NOL4: variants seen among roughly 807,000 people sequenced by gnomAD.
The protein encoded by NOL4 is nucleolar protein 4.
NOL4 carries 17 observed loss-of-function variants against 75.9 expected under a neutral mutation model. The ratio of observed to expected loss-of-function variants is 0.22; its 90% CI spans 0.15 to 0.34. NOL4 has a LOEUF of 0.34. NOL4 is among the 10% of genes least tolerant of loss of function. NOL4 has a pLI of 1.00. For missense variants in NOL4, 614 were observed against 793.5 expected (o/e 0.77, Z 2.72); for synonymous variants, 292 against 289.9 (o/e 1.01, Z -0.07).
At chr18:34,178,324 G>A (rs1053398459) in intron 1 of NOL4, among the ~76,000 whole-genome samples, 16 of 151,786 alleles carry the variant, frequency 1.1e-4, no homozygotes, top group Non-Finnish European at 2.2e-4. Context: ...AGTAAAGAAG[G>A]AATTGCGGGG....
At chr18:33,999,386 A>C (rs1174634813) in intron 6 of NOL4, among the ~76,000 whole-genome samples, 1 of 152,058 alleles carries the variant, frequency 6.6e-6, no homozygotes, top group Non-Finnish European at 1.5e-5. Context: ...GTTATTATGA[A>C]TATAACACAC....
At chr18:34,128,775 G>T (rs1306909271) in intron 2 of NOL4, 14 of 528,044 alleles carry the variant, frequency 2.7e-5, no homozygotes, top group Non-Finnish European at 3.4e-5. Flanking sequence ...TATGACCCTG[G>T]AAATATAGCA....
intron 2 of NOL4, among the ~76,000 whole-genome samples, chr18:34,105,452 G>C (rs2079227310): frequency 6.6e-6 from 1 of 151,892 alleles, no homozygotes; most frequent in African/African-American, 2.4e-5. Flanking sequence ...GTGTACAGAT[G>C]TCCTAGTGAA....
intron 8 of NOL4, among the ~76,000 whole-genome samples, chr18:33,950,172 A>AT (rs2069116073): frequency 6.6e-6 from 1 of 151,754 alleles, no homozygotes; most frequent in Non-Finnish European, 1.5e-5. Flanking sequence ...ATAGATTTAA[A>AT]TTTTTTTAAT....
chr18:34,138,316 C>A (rs2080986693), intron 1 of NOL4, among the ~76,000 whole-genome samples: 2 of 152,086 alleles, frequency 1.3e-5, no homozygotes, highest in African/African-American at 4.8e-5. Context: ...GTTGTAGGAT[C>A]ACTTGAGCCC....
chr18:34,107,621 G>C (rs1226487652), intron 2 of NOL4, among the ~76,000 whole-genome samples: 1 of 149,740 alleles, frequency 6.7e-6, no homozygotes, highest in African/African-American at 2.5e-5. Context: ...CTCCAAGCAG[G>C]CTTTTCACAT....
chr18:34,218,669 C>G (rs1328430881), intron 1 of NOL4, among the ~76,000 whole-genome samples: 1 of 151,978 alleles, frequency 6.6e-6, no homozygotes, highest in African/African-American at 2.4e-5. Context: ...ACCCCCAAAT[C>G]CTATGCTACA....
intron 5 of NOL4, among the ~76,000 whole-genome samples, chr18:34,023,892 C>T (rs1450798485): frequency 1.3e-5 from 2 of 151,790 alleles, no homozygotes; most frequent in Admixed American, 1.3e-4. Flanking sequence ...TTTGCTACTC[C>T]CCATTCCCTC....
chr18:34,059,903 C>G (rs933935378), intron 5 of NOL4, among the ~76,000 whole-genome samples: 6 of 151,996 alleles, frequency 3.9e-5, no homozygotes, highest in African/African-American at 1.5e-4. Flanking sequence ...TCTAGTATCC[C>G]AAATTCATTA....
chr18:33,878,517 A>T (rs1391603431), intron 10 of NOL4, among the ~76,000 whole-genome samples: 1 of 152,060 alleles, frequency 6.6e-6, no homozygotes, highest in Non-Finnish European at 1.5e-5. Flanking sequence ...TTAAGTTTTA[A>T]ACAAGAGGCT....
At chr18:33,976,261 G>A (rs143754000) in intron 6 of NOL4, among the ~76,000 whole-genome samples, 247 of 152,206 alleles carry the variant, frequency 1.6e-3, no homozygotes, top group African/African-American at 5.6e-3. Context: ...AAGGTTTTCT[G>A]TCAGAGAAAA....
intron 4 of NOL4, among the ~76,000 whole-genome samples, chr18:34,100,437 A>C (rs2078994487): frequency 6.6e-6 from 1 of 152,088 alleles, no homozygotes; most frequent in Non-Finnish European, 1.5e-5. Flanking sequence ...CCCCATAAAA[A>C]CTGCTCTTGT....
At chr18:33,895,444 G>A (rs1466462280) in intron 9 of NOL4, among the ~76,000 whole-genome samples, 1 of 151,964 alleles carries the variant, frequency 6.6e-6, no homozygotes, top group Non-Finnish European at 1.5e-5. Context: ...TTATAGGTTG[G>A]TAACATTTAA....
chr18:34,140,819 G>C (rs1418798743), intron 1 of NOL4, among the ~76,000 whole-genome samples: 1 of 151,426 alleles, frequency 6.6e-6, no homozygotes. Context: ...GGCTGATACT[G>C]GTTGTTCCTT....
intron 2 of NOL4, among the ~76,000 whole-genome samples, chr18:34,107,138 T>C (rs998581559): frequency 3.3e-5 from 5 of 152,196 alleles, no homozygotes; most frequent in African/African-American, 9.7e-5. Context: ...GAAGCACTTG[T>C]GTAGAAAACC....
At chr18:33,997,523 T>C (rs749469501) in intron 6 of NOL4, among the ~76,000 whole-genome samples, 2 of 151,398 alleles carry the variant, frequency 1.3e-5, no homozygotes, top group African/African-American at 2.4e-5. Context: ...GGCTTTGTTC[T>C]TTTTGCATAG....
intron 2 of NOL4, among the ~76,000 whole-genome samples, chr18:34,115,465 A>C: frequency 1.3e-5 from 2 of 150,866 alleles, no homozygotes; most frequent in Admixed American, 6.6e-5. Context: ...TGCACAACTA[A>C]TTTTTAAATT....
chr18:34,153,553 C>T (rs2081749126), intron 1 of NOL4, among the ~76,000 whole-genome samples: 2 of 152,036 alleles, frequency 1.3e-5, no homozygotes, highest in South Asian at 4.1e-4. Flanking sequence ...TCCCCATGGT[C>T]AGATATCTAA....
At position 33,862,209 on chromosome 18, in the gene NOL4, C is replaced by T. The variant is rs917979928; in HGVS notation, c.1724-9174G>A. ...TAATAAATGGTGCTGGGAAAACTGG[C>T]TAGCCATATGTAGAAAGCTGAAACT... On this transcript the variant is annotated intron_variant, in intron 10 of 10. Transcript: ENST00000261592. Among the ~76,000 whole-genome samples the T allele has an allele frequency of 9.6e-3, 1,463 of 152,106 alleles. 24 individuals are homozygous for T. The highest frequency in any genetic ancestry group is 0.033 in the African/African-American group (1,369 of 41,488).
Sources: allele counts gnomAD v4.1 joint callset (sites outside exome capture counted in the v4.1 genomes callset), GRCh38; gene constraint gnomAD v4.1.1; transcripts MANE v1.5; gene names NCBI Gene and HGNC (gene_info 2026-07-23, HGNC 2026-07-21).